Variants in PCGF6 observed in about 807,000 individuals in gnomAD.
The protein encoded by PCGF6 is polycomb group RING finger protein 6.
A neutral mutation model predicts 45.5 loss-of-function variants in PCGF6; 24 were observed. The observed-to-expected ratio is 0.53, with a 90% CI of 0.38 to 0.74. The LOEUF (loss-of-function observed/expected upper bound fraction) is 0.74. Among genes scored for constraint, PCGF6 ranks in the 30% least tolerant of loss-of-function variants. The probability of loss-of-function intolerance (pLI) is 0.00; values close to 1 mark genes in which losing one functional copy is unlikely to be tolerated. For missense variants in PCGF6, 356 were observed against 443.2 expected, an observed-to-expected ratio of 0.80 and a Z score of 1.77; for synonymous variants, 152 against 162.1, an observed-to-expected ratio of 0.94 and a Z score of 0.47.
At chr10:103,310,888 A>T (rs1395044253) in intron 9 of PCGF6, among the ~76,000 whole-genome samples, 2 of 152,042 alleles carry the variant, frequency 1.3e-5, no homozygotes, top group Non-Finnish European at 2.9e-5. Flanking sequence ...TTTCGTAGAG[A>T]TGGGGTTTCA....
intron 9 of PCGF6, among the ~76,000 whole-genome samples, chr10:103,305,260 C>T (rs1233637124): frequency 1.3e-5 from 2 of 151,810 alleles, no homozygotes; most frequent in Admixed American, 6.6e-5. Context: ...AGGTGTGAGG[C>T]ACGCATCCAG....
At chr10:103,343,832 C>CAAAAAAAAAAAAAAAAAAAAAAAAAAAAA (rs71019677) in intron 6 of PCGF6, among the ~76,000 whole-genome samples, 1 of 32,476 alleles carries the variant, frequency 3.1e-5, no homozygotes, top group Non-Finnish European at 5.7e-5. Flanking sequence ...AACTCTGTCT[C>CAAAAAAAAAAAAAAAAAAAAAAAAAAAAA]AAAAAAAAAA....
chr10:103,335,551 C>A (rs540373133), intron 6 of PCGF6, among the ~76,000 whole-genome samples: 2 of 151,982 alleles, frequency 1.3e-5, no homozygotes, highest in Non-Finnish European at 2.9e-5. Flanking sequence ...TTAGTATAGA[C>A]GGGGTTTCAC....
At chr10:103,333,114 AT>A (rs75051428) in intron 7 of PCGF6, among the ~76,000 whole-genome samples, 5 of 134,004 alleles carry the variant, frequency 3.7e-5, no homozygotes, top group South Asian at 2.3e-4. Context: ...GGAAGACTCC[AT>A]TTAAAAAAAA....
intron 8 of PCGF6, among the ~76,000 whole-genome samples, chr10:103,321,442 G>A (rs779025973): frequency 1.2e-4 from 19 of 152,232 alleles, no homozygotes; most frequent in East Asian, 3.9e-4. Context: ...GGCTGGGCGC[G>A]GTGGCTCATG....
At position 103,303,050 on chromosome 10, in the gene PCGF6, AAAT is replaced by A. The variant is rs1329186194; in HGVS notation, c.*852_*854del. On this transcript the variant is annotated 3_prime_UTR_variant, in exon 10 of 10. Coordinates refer to ENST00000369847, the MANE Select transcript of PCGF6 (RefSeq NM_001011663.2). The stretch of plus-strand genomic sequence containing the variant: ...ACCCTTATTCTTTATTGCAGTGATG[AAAT>A]AATGAGAAAAATAAACATTAAACTG... 6.6e-6 allele frequency: 1 copy of A among 152,650 alleles called. No homozygotes were observed. Among genetic ancestry groups the A allele is most frequent in the Non-Finnish European group, 1.5e-5 (1 of 68,046 alleles). 9.5% of individuals were successfully genotyped at this position (152,650 alleles called of 1,614,324 possible). A position where few individuals can be genotyped will look rare whatever the true frequency, so the allele number is the denominator to read the frequency against.
At chr10:103,315,225 A>C (rs1000863807) in intron 8 of PCGF6, among the ~76,000 whole-genome samples, 19 of 152,168 alleles carry the variant, frequency 1.2e-4, no homozygotes, top group African/African-American at 4.1e-4. Context: ...TCACTCTGTC[A>C]CTCAGGCTGG....
At chr10:103,344,305 T>TCTGTCA (rs1457309281) in intron 6 of PCGF6, among the ~76,000 whole-genome samples, 1 of 149,138 alleles carries the variant, frequency 6.7e-6, no homozygotes, top group Non-Finnish European at 1.5e-5. Flanking sequence ...AGAGTCTCAC[T>TCTGTCA]CTGTCACCCA....
chr10:103,310,751 G>T (rs2093154490), intron 9 of PCGF6, among the ~76,000 whole-genome samples: 1 of 151,970 alleles, frequency 6.6e-6, no homozygotes, highest in Admixed American at 6.6e-5. Context: ...GCCCAGGCTG[G>T]AGTGCAGTGG....
chr10:103,348,697 ATT>A lies in PCGF6; in HGVS notation c.557+17_557+18del, dbSNP rs759875700. On this transcript the variant is annotated intron_variant, in intron 3 of 9. Transcript: ENST00000369847. ...AAAGTATATTTAAAATACAATTGTA[ATT>A]TATATATTCTTCTTACCTTATGTTA... 4.9e-6 allele frequency: 7 copies of A among 1,430,158 alleles called. No individual in the cohort carries two copies. The highest frequency in any genetic ancestry group is 2.5e-5 in the South Asian group (2 of 80,412). The allele number at this position is 1,430,158 out of a possible 1,614,324, so 88.6% of individuals were successfully genotyped here.
intron 6 of PCGF6, among the ~76,000 whole-genome samples, chr10:103,344,591 T>C (rs2093292724): frequency 6.6e-6 from 1 of 150,436 alleles, no homozygotes; most frequent in Admixed American, 6.7e-5. Flanking sequence ...AGATGGAGTT[T>C]TGCTCTTGTC....
intron 8 of PCGF6, among the ~76,000 whole-genome samples, chr10:103,317,985 G>A (rs1258090017): frequency 1.3e-5 from 2 of 150,058 alleles, no homozygotes; most frequent in East Asian, 2.0e-4. Flanking sequence ...TCGAACTCCC[G>A]AACTCAGGCA....
chr10:103,325,096 T>C (rs1015397531), intron 8 of PCGF6, among the ~76,000 whole-genome samples: 8 of 145,998 alleles, frequency 5.5e-5, no homozygotes, highest in Admixed American at 2.7e-4. Context: ...GATCACGCCA[T>C]TGCACTCCAG....
chr10:103,344,335 G>C (rs1044126162), intron 6 of PCGF6, among the ~76,000 whole-genome samples: 2 of 150,118 alleles, frequency 1.3e-5, no homozygotes, highest in South Asian at 2.1e-4. Context: ...GCGGTGGCAC[G>C]ACCTCGGTTC....
intron 6 of PCGF6, among the ~76,000 whole-genome samples, chr10:103,340,007 C>CA (rs60211186): frequency 0.052 from 3,109 of 60,150 alleles, 145 homozygotes; most frequent in African/African-American, 0.18. Context: ...ACTAAAAATA[C>CA]AAAAAAAAAA....
In PCGF6 at chr10:103,350,083, A is replaced by AAAAACAAAACAAAAC. The variant is rs374769152; in HGVS notation, c.360+609_360+623dup. ...GGGCGACAGAGCGAGACTCCGTCTCAAAAACAAAACAAAACAAAACAAAAC... is the reference window on the plus strand; with the variant it reads ...GGGCGACAGAGCGAGACTCCGTCTCAAAAACAAAACAAAACAAAACAAAACAAAACAAAACAAAAC... On this transcript the variant is annotated intron_variant, in intron 1 of 9. Coordinates refer to ENST00000369847, the MANE Select transcript of PCGF6 (RefSeq NM_001011663.2). 4.1e-5 allele frequency among the ~76,000 whole-genome samples: 6 copies of AAAAACAAAACAAAAC among 145,214 alleles called. No individual in the cohort carries two copies. In the East Asian group the frequency reaches 1.3e-3, roughly 32 times the overall value.
chr10:103,315,341 A>C (rs2093170990), intron 8 of PCGF6, among the ~76,000 whole-genome samples: 1 of 152,036 alleles, frequency 6.6e-6, no homozygotes, highest in Non-Finnish European at 1.5e-5. Context: ...GTGCACCACC[A>C]CATCTGGCAA....
chr10:103,349,794 A>T (rs1056067703), intron 1 of PCGF6, among the ~76,000 whole-genome samples: 8 of 149,188 alleles, frequency 5.4e-5, no homozygotes, highest in Non-Finnish European at 7.4e-5. Context: ...TTTCAAAAGG[A>T]TCTTTACGCT....
intron 3 of PCGF6, 59 bp from the exon 4 acceptor site, chr10:103,347,509 G>C (rs2093303828): frequency 1.4e-6 from 2 of 1,385,954 alleles, no homozygotes; most frequent in African/African-American, 2.9e-5. Context: ...TTTTGGTACA[G>C]AGTGAGTTAA....
Sources: gnomAD v4.1 joint callset for allele counts (sites outside exome capture counted in the v4.1 genomes callset) on GRCh38, gnomAD v4.1.1 for gene constraint, MANE v1.5 for transcripts, NCBI Gene and HGNC (gene_info 2026-07-23, HGNC 2026-07-21) for gene names.